The following DENND4C variants were observed in gnomAD, a reference collection of about 807,000 sequenced individuals.
DENND4C encodes the protein DENN domain containing 4C, also known as DENN domain-containing protein 4C.
DENND4C carries 108 observed loss-of-function variants against 203.0 expected under a neutral mutation model. That is an observed-to-expected ratio of 0.53 (90% CI 0.46 to 0.62). The LOEUF (loss-of-function observed/expected upper bound fraction) is 0.62. DENND4C is among the 20% of genes least tolerant of loss of function. The probability of loss-of-function intolerance (pLI) is 0.00; values close to 1 mark genes in which losing one functional copy is unlikely to be tolerated. For synonymous variants in DENND4C, 871 were observed against 792.4 expected, an observed-to-expected ratio of 1.10 and a Z score of -1.67; for missense variants, 2,481 against 2,301.2, an observed-to-expected ratio of 1.08 and a Z score of -1.60.
Position 19,336,366 on chromosome 9 carries a change from C to T in DENND4C, c.2686C>T (p.Gln896Ter). Residue 896 changes from glutamine to a stop codon, truncating the protein, a stop_gained, in exon 19 of 33, where the codon CAG becomes TAG. Transcript: ENST00000434457. LOFTEE classifies it high-confidence loss of function. ...NVVRGLAQFR[Q>*]PLKKTVQRSQ... ...GGTACGTGGCTTGGCACAGTTTAGGCAGCCGCTTAAAAAGACTGTGCAAAG... is the reference window on the plus strand; with the variant it reads ...GGTACGTGGCTTGGCACAGTTTAGGTAGCCGCTTAAAAAGACTGTGCAAAG... The T allele has an allele frequency of 1.2e-6, 2 of 1,614,000 alleles. No individual in the cohort carries two copies. The highest frequency in any genetic ancestry group is 1.7e-6 in the Non-Finnish European group (2 of 1,179,966).
intron 5 of DENND4C, among the ~76,000 whole-genome samples, chr9:19,291,825 T>C (rs2131183887): frequency 6.6e-6 from 1 of 152,060 alleles, no homozygotes; most frequent in South Asian, 2.1e-4. Context: ...AGTTTTAAAA[T>C]GTAGCAGATA....
rs180676808 is a variant in DENND4C at position 19,250,740 on chromosome 9, T to G, written c.-18+19907T>G. Among the ~76,000 whole-genome samples the G allele has an allele frequency of 1.4e-3, 213 of 152,340 alleles. 1 individual carries two copies. The highest frequency in any genetic ancestry group is 2.1e-3 in the Non-Finnish European group (140 of 68,036). Reference sequence around the variant, plus strand: ...GAAGGGGCTACAGGCCCCATGCAAGTCTGAAATCCAGCGGGGTGGTCAAGT... The same window carrying G: ...GAAGGGGCTACAGGCCCCATGCAAGGCTGAAATCCAGCGGGGTGGTCAAGT... On this transcript the variant is annotated intron_variant, in intron 1 of 32. Transcript: ENST00000434457.
intron 1 of DENND4C, among the ~76,000 whole-genome samples, chr9:19,250,257 A>T (rs923483927): frequency 6.6e-6 from 1 of 152,154 alleles, no homozygotes; most frequent in African/African-American, 2.4e-5. Flanking sequence ...AGCCTGACCA[A>T]TATGGTGAAA....
Position 19,371,883 on chromosome 9 carries a change from TA to T in DENND4C, c.5740+68del, listed in dbSNP as rs558033596. 986 of 1,344,710 alleles carry T rather than the reference TA, an allele frequency of 7.3e-4. 4 individuals carry two copies. The highest frequency in any genetic ancestry group is 9.7e-4 in the Non-Finnish European group (935 of 965,116). The allele number at this position is 1,344,710 out of a possible 1,614,324, so 83.3% of individuals were successfully genotyped here. On this transcript the variant is annotated intron_variant, in intron 32 of 32. Transcript: ENST00000434457. The stretch of plus-strand genomic sequence containing the variant: ...ACATTTTATTTTCAAAAGTAATTTT[TA>T]AAAATGTAGCTGGTATGTATAAAAG...
Position 19,296,098 on chromosome 9 carries a change from G to A in DENND4C, c.892G>A (p.Val298Met). 2.5e-6 allele frequency: 4 copies of A among 1,614,058 alleles called. No homozygotes were observed. The highest frequency in any genetic ancestry group is 2.5e-6 in the Non-Finnish European group (3 of 1,179,998). ...QLMHLGLLTP[V>M]ERKMVSKSIN... The stretch of plus-strand genomic sequence containing the variant: ...TATGCACCTGGGCTTGTTGACGCCT[G>A]TGGAGAGAAAAATGGTCTCCAAATC... The change falls in exon 6 of 33, where the codon GTG becomes ATG. Residue 298 changes from valine to methionine, a missense_variant. Physicochemically the swap from Val to Met is conservative, Grantham distance 21. Around this residue, in one of 3 missense-constraint regions of DENND4C, gnomAD observed 2,289 missense variants for 2,113.3 expected, o/e 1.08. Transcript: ENST00000434457.
At chr9:19,249,015 A>G (rs1160101045) in intron 1 of DENND4C, among the ~76,000 whole-genome samples, 1 of 151,182 alleles carries the variant, frequency 6.6e-6, no homozygotes, top group Admixed American at 6.6e-5. Context: ...GGTCCCGAAC[A>G]CCTGACCTTG....
At chr9:19,311,165 G>A (rs529589231) in intron 10 of DENND4C, among the ~76,000 whole-genome samples, 8 of 151,962 alleles carry the variant, frequency 5.3e-5, no homozygotes, top group African/African-American at 1.2e-4. Flanking sequence ...TGTCTCCCAC[G>A]CTGGATGGAG....
At chr9:19,354,580 G>T (rs1824944625) in intron 26 of DENND4C, among the ~76,000 whole-genome samples, 3 of 113,628 alleles carry the variant, frequency 2.6e-5, no homozygotes, top group African/African-American at 3.4e-5. Flanking sequence ...TGGAGACAGA[G>T]TTTCACTCTT....
chr9:19,273,188 T>A (rs575590597), intron 1 of DENND4C, among the ~76,000 whole-genome samples: 1 of 151,748 alleles, frequency 6.6e-6, no homozygotes, highest in South Asian at 2.1e-4. Flanking sequence ...CCTGACCTCG[T>A]GATCCACCTG....
intron 2 of DENND4C, among the ~76,000 whole-genome samples, chr9:19,278,821 G>A (rs1833436064): frequency 6.6e-6 from 1 of 152,098 alleles, no homozygotes; most frequent in Non-Finnish European, 1.5e-5. Flanking sequence ...TAGAAAGACA[G>A]GGTTCAGAAA....
Position 19,289,702 on chromosome 9 carries a change from A to G in DENND4C, c.629-1002A>G, listed in dbSNP as rs200017101. ...AAATTAGCCAGGCGTGGTGGCACGC[A>G]TCTGTAGTCCCAGCTACTTGGGAGG... On this transcript the variant is annotated intron_variant, in intron 4 of 32. Transcript: ENST00000434457. Among the ~76,000 whole-genome samples the G allele has an allele frequency of 5.3e-5, 8 of 151,846 alleles. No individual in the cohort carries two copies. The East Asian group carries it at 1.4e-3, about 26-fold the overall frequency.
intron 5 of DENND4C, among the ~76,000 whole-genome samples, chr9:19,294,463 G>A (rs1837010289): frequency 6.6e-6 from 1 of 152,172 alleles, no homozygotes; most frequent in African/African-American, 2.4e-5. Context: ...TGCTGCTGTG[G>A]AAAACAGTTT....
chr9:19,370,821 T>G (rs1385324244), intron 31 of DENND4C, among the ~76,000 whole-genome samples: 1 of 152,244 alleles, frequency 6.6e-6, no homozygotes, highest in Non-Finnish European at 1.5e-5. Flanking sequence ...ATAGTGTGCG[T>G]AATCGCGTAT....
In DENND4C at chr9:19,371,784, T is replaced by C. The variant is rs375810160; in HGVS notation, c.5704T>C (p.Ser1902Pro). 10 of 1,466,074 alleles carry C rather than the reference T, an allele frequency of 6.8e-6. No individual in the cohort carries two copies. The highest frequency in any genetic ancestry group is 9.5e-6 in the Non-Finnish European group (10 of 1,057,438). The allele number at this position is 1,466,074 out of a possible 1,614,324, so 90.8% of individuals were successfully genotyped here. ...RSLYREILFL[S>P]LVSLGRENID... The stretch of plus-strand genomic sequence containing the variant: ...TTTATACAGAGAAATCCTCTTCTTA[T>C]CATTAGTGTCTCTAGGAAGAGAGAA... Residue 1902 changes from serine to proline, a missense_variant, in exon 32 of 33, where the codon TCA (serine) becomes CCA (proline). Ser to Pro is a moderately conservative substitution (Grantham distance 74, BLOSUM62 -1). This residue lies in a region of DENND4C where 2,289 missense variants were observed against 2,113.3 expected (regional missense o/e 1.08). Transcript: ENST00000434457.
intron 1 of DENND4C, among the ~76,000 whole-genome samples, chr9:19,242,138 G>C (rs545410096): frequency 4.3e-4 from 65 of 152,094 alleles, no homozygotes; most frequent in Non-Finnish European, 7.6e-4. Flanking sequence ...CTATAGTTTT[G>C]CCTTTTCTGG....
intron 17 of DENND4C, among the ~76,000 whole-genome samples, chr9:19,333,582 C>T (rs1057217508): frequency 6.6e-6 from 1 of 152,146 alleles, no homozygotes; most frequent in African/African-American, 2.4e-5. Flanking sequence ...TTAGCACCTT[C>T]ATCATAAGGT....
Position 19,331,960 on chromosome 9 carries a change from AT to A in DENND4C, c.2254-14del. On this transcript the variant is annotated splice_polypyrimidine_tract_variant and intron_variant, in intron 16 of 32. Coordinates refer to ENST00000434457, the MANE Select transcript of DENND4C (RefSeq NM_001330640.2). ...AATGAATTTTAGTAAATATCATAATATTTTATTCTCTTTCTAGGAAATAAAA... is the reference window on the plus strand; with the variant it reads ...AATGAATTTTAGTAAATATCATAATATTTATTCTCTTTCTAGGAAATAAAA... The A allele has an allele frequency of 1.3e-6, 2 of 1,595,484 alleles. No homozygotes were observed. Among genetic ancestry groups the A allele is most frequent in the South Asian group, 2.2e-5 (2 of 89,798 alleles).
intron 1 of DENND4C, among the ~76,000 whole-genome samples, chr9:19,240,501 A>G (rs1053118543): frequency 2.6e-5 from 4 of 151,780 alleles, no homozygotes; most frequent in Non-Finnish European, 5.9e-5. Flanking sequence ...CCCCATCTCT[A>G]CTAAAAATAC....
intron 1 of DENND4C, among the ~76,000 whole-genome samples, chr9:19,247,123 G>T (rs1393360127): frequency 6.6e-6 from 1 of 151,992 alleles, no homozygotes; most frequent in East Asian, 1.9e-4. Flanking sequence ...ACTTTACTTG[G>T]TTTTCTGGAT....
Sources: allele counts gnomAD v4.1 joint callset (sites outside exome capture counted in the v4.1 genomes callset), GRCh38; gene constraint gnomAD v4.1.1; regional missense constraint gnomAD v4.1.1; transcripts MANE v1.5; gene names NCBI Gene and HGNC (gene_info 2026-07-23, HGNC 2026-07-21).